The following MRPL42 variants were observed in gnomAD, a reference collection of about 807,000 sequenced individuals.
MRPL42 encodes mitochondrial ribosomal protein L42.
In MRPL42, 17 loss-of-function variants were observed where a neutral mutation model predicts 17.9. That is an observed-to-expected ratio of 0.95 (90% CI 0.65 to 1.42). The LOEUF (loss-of-function observed/expected upper bound fraction) is 1.42. Among genes scored for constraint, MRPL42 ranks in the 40% most tolerant of loss-of-function variants. MRPL42 has a pLI of 0.00. For missense variants in MRPL42, 177 were observed against 175.2 expected, an observed-to-expected ratio of 1.01 and a Z score of -0.06; for synonymous variants, 59 against 54.4, an observed-to-expected ratio of 1.08 and a Z score of -0.37.
In MRPL42 at chr12:93,479,444, C is replaced by G. The variant is rs775316745; in HGVS notation, c.191C>G (p.Ser64Cys). 65 of 1,610,454 alleles carry G rather than the reference C, an allele frequency of 4.0e-5. No individual in the cohort carries two copies. Among genetic ancestry groups the G allele is most frequent in the Non-Finnish European group, 5.4e-5 (64 of 1,178,082 alleles). Residue 64 changes from serine (S) to cysteine (C), a missense_variant, in exon 4 of 6, where the codon TCT becomes TGT. By Grantham distance (112) the Ser-to-Cys change is moderately radical. Coordinates refer to ENST00000549982, the MANE Select transcript of MRPL42 (RefSeq NM_014050.4). Reference sequence around the variant, plus strand: ...AGGACAATAGTATGCTACCACCCTTCTGTGGACATTCCATATGAACACACA... The same window carrying G: ...AGGACAATAGTATGCTACCACCCTTGTGTGGACATTCCATATGAACACACA... ...DGRTIVCYHP[S>C]VDIPYEHTKP...
In MRPL42 at chr12:93,501,187, G is replaced by A. The variant is rs1356211776; in HGVS notation, c.395G>A (p.Cys132Tyr). ...RWYPHGRYHR[C>Y]RKNLNPPKDR is the part of the protein sequence containing the mutation. Reference sequence around the variant, plus strand: ...TTCTTCTTTTCAAGGTATCACAGATGTCGTAAGAATCTGAATCCTCCAAAA... The same window carrying A: ...TTCTTCTTTTCAAGGTATCACAGATATCGTAAGAATCTGAATCCTCCAAAA... Residue 132 changes from cysteine to tyrosine, a missense_variant, in exon 6 of 6, where the codon TGT (cysteine) becomes TAT (tyrosine). Cys to Tyr is a radical substitution (Grantham distance 194). Transcript: ENST00000549982. 1.2e-6 allele frequency: 2 copies of A among 1,600,462 alleles called. No individual in the cohort carries two copies. The highest frequency in any genetic ancestry group is 1.7e-6 in the Non-Finnish European group (2 of 1,175,294).
Position 93,504,290 on chromosome 12 carries a change from C to CA in MRPL42, c.*3070dup, listed in dbSNP as rs777209167. On this transcript the variant is annotated 3_prime_UTR_variant, in exon 6 of 6. Transcript: ENST00000549982. ...TTAAGTAGTTGGGATTACAAGTGTGCACCACCATACTCAGGTAATTTTGCA... is the reference window on the plus strand; with the variant it reads ...TTAAGTAGTTGGGATTACAAGTGTGCAACCACCATACTCAGGTAATTTTGCA... 140 of 153,406 alleles carry CA rather than the reference C, an allele frequency of 9.1e-4. 4 individuals carry two copies. Among genetic ancestry groups the CA allele is most frequent in the Middle Eastern group, 1.5e-3 (2 of 1,366 alleles). 9.5% of individuals were successfully genotyped at this position (153,406 alleles called of 1,614,324 possible).
chr12:93,480,445 T>G (rs1880404074), intron 4 of MRPL42, among the ~76,000 whole-genome samples: 1 of 149,328 alleles, frequency 6.7e-6, no homozygotes, highest in African/African-American at 2.5e-5. Flanking sequence ...GAGGAGAAAA[T>G]TAGATGGTTT....
At chr12:93,467,883 G>T (rs755401748) in intron 1 of MRPL42, among the ~76,000 whole-genome samples, 1 of 152,172 alleles carries the variant, frequency 6.6e-6, no homozygotes, top group Non-Finnish European at 1.5e-5. Flanking sequence ...TTGTTTTGGG[G>T]TTGAATTCCG....
Position 93,504,129 on chromosome 12 carries a change from C to T in MRPL42, c.*2908C>T, listed in dbSNP as rs1953638254. 1 of 153,700 alleles carries T rather than the reference C, an allele frequency of 6.5e-6. No homozygotes were observed. Among genetic ancestry groups the T allele is most frequent in the Non-Finnish European group, 1.5e-5 (1 of 68,004 alleles). The allele number at this position is 153,700 out of a possible 1,614,324, so 9.5% of individuals were successfully genotyped here. On this transcript the variant is annotated 3_prime_UTR_variant, in exon 6 of 6. Coordinates refer to ENST00000549982, the MANE Select transcript of MRPL42 (RefSeq NM_014050.4). ...CCATGTTTATGTACATTTTTAAAGT[C>T]AGTGGTTTAAACTGTATACTTTTTG...
At position 93,484,977 on chromosome 12, in the gene MRPL42, CACATATATATATATATATATATATAT is replaced by C. The variant is rs1481887843; in HGVS notation, c.220-2518_220-2493del. On this transcript the variant is annotated intron_variant, in intron 4 of 5. Transcript: ENST00000549982. ...TTTTTAAAAAACACACACACACACA[CACATATATATATATATATATATATAT>C]ATATATATATATATATATATATATA... Among the ~76,000 whole-genome samples the C allele has an allele frequency of 1.2e-3, 33 of 28,604 alleles. 4 individuals are homozygous for C. The highest frequency in any genetic ancestry group is 2.7e-3 in the African/African-American group (29 of 10,658). The allele number at this position is 28,604 out of a possible 152,430, so 18.8% of individuals were successfully genotyped here. A position where few individuals can be genotyped will look rare whatever the true frequency, so the allele number is the denominator to read the frequency against.
intron 2 of MRPL42, among the ~76,000 whole-genome samples, chr12:93,476,520 AT>A (rs1880189074): frequency 6.6e-6 from 1 of 151,948 alleles, no homozygotes; most frequent in South Asian, 2.1e-4. Flanking sequence ...AAACACTTTT[AT>A]TTTTTTTCTT....
chr12:93,487,215 G>C (rs778572867), intron 4 of MRPL42, among the ~76,000 whole-genome samples: 2 of 152,086 alleles, frequency 1.3e-5, no homozygotes, highest in South Asian at 2.1e-4. Flanking sequence ...CTCCTGCCTT[G>C]GTTTCCCAAA....
intron 4 of MRPL42, among the ~76,000 whole-genome samples, chr12:93,482,381 A>G (rs1398334677): frequency 6.6e-6 from 1 of 152,142 alleles, no homozygotes; most frequent in East Asian, 1.9e-4. Context: ...GCTATCTCCC[A>G]TCACTAAAAT....
rs528130302 is a variant in MRPL42, at chr12:93,504,113, T to C, written c.*2892T>C. 215 of 154,208 alleles carry C rather than the reference T, an allele frequency of 1.4e-3. No individual in the cohort carries two copies. Among genetic ancestry groups the C allele is most frequent in the African/African-American group, 3.6e-3 (150 of 41,608 alleles). 9.6% of individuals were successfully genotyped at this position (154,208 alleles called of 1,614,324 possible). A position where few individuals can be genotyped will look rare whatever the true frequency, so the allele number is the denominator to read the frequency against. On this transcript the variant is annotated 3_prime_UTR_variant, in exon 6 of 6. Transcript: ENST00000549982. ...TCACCATGTCCGGCATCCATGTTTATGTACATTTTTAAAGTCAGTGGTTTA... is the reference window on the plus strand; with the variant it reads ...TCACCATGTCCGGCATCCATGTTTACGTACATTTTTAAAGTCAGTGGTTTA...
At chr12:93,497,034 C>T (rs1953519490) in intron 5 of MRPL42, among the ~76,000 whole-genome samples, 1 of 152,080 alleles carries the variant, frequency 6.6e-6, no homozygotes, top group Non-Finnish European at 1.5e-5. Context: ...GAAACTGAAA[C>T]CCTGAACAGA....
At chr12:93,480,934 C>CT (rs1162248858) in intron 4 of MRPL42, among the ~76,000 whole-genome samples, 1 of 152,146 alleles carries the variant, frequency 6.6e-6, no homozygotes, top group African/African-American at 2.4e-5. Context: ...TTCAGTGCCT[C>CT]TTTTTTATCA....
chr12:93,470,709 T>C (rs541714916), intron 2 of MRPL42: 57 of 343,280 alleles, frequency 1.7e-4, no homozygotes, highest in Admixed American at 9.8e-4. Flanking sequence ...AGTTAGAACA[T>C]GTAGTATTTG....
At chr12:93,476,891 A>T in intron 2 of MRPL42, 63 bp from the exon 3 acceptor site, 1 of 1,456,746 alleles carries the variant, frequency 6.9e-7, no homozygotes, top group Non-Finnish European at 9.6e-7. Flanking sequence ...AACTAGCTTT[A>T]AATTTATGGA....
intron 5 of MRPL42, among the ~76,000 whole-genome samples, chr12:93,497,479 A>C (rs949756627): frequency 1.3e-5 from 2 of 152,150 alleles, no homozygotes; most frequent in African/African-American, 4.8e-5. Context: ...AAAACAAAAA[A>C]CATATGATCA....
chr12:93,470,249 G>A (rs1472287777), intron 2 of MRPL42, among the ~76,000 whole-genome samples: 2 of 152,094 alleles, frequency 1.3e-5, no homozygotes, highest in Non-Finnish European at 2.9e-5. Context: ...GTTAATACAT[G>A]TTTGACAGTC....
chr12:93,514,287 CTTTCTTTCTTTTTTT>C lies in MRPL42; in HGVS notation c.*13070_*13084del, dbSNP rs1165401900. ...AGTTTTCTCCCTCTGCTTTTTCTTT[CTTTCTTTCTTTTTTT>C]TTTTTTTTTTTTTGAGATGGCGTCT... On this transcript the variant is annotated 3_prime_UTR_variant, in exon 6 of 6. Coordinates refer to ENST00000549982, the MANE Select transcript of MRPL42 (RefSeq NM_014050.4). The C allele has an allele frequency of 1.4e-5, 1 of 70,736 alleles. No homozygotes were observed. Among genetic ancestry groups the C allele is most frequent in the African/African-American group, 5.4e-5 (1 of 18,526 alleles). 4.4% of individuals were successfully genotyped at this position (70,736 alleles called of 1,614,324 possible).
Position 93,511,317 on chromosome 12 carries a change from A to G in MRPL42, c.*10096A>G, listed in dbSNP as rs1953723606. ...TTTGAAAGAAAAACCTAAGTAATTAAAAAACTGAAAGCACAGATATTCATT... is the reference window on the plus strand; with the variant it reads ...TTTGAAAGAAAAACCTAAGTAATTAGAAAACTGAAAGCACAGATATTCATT... On this transcript the variant is annotated 3_prime_UTR_variant, in exon 6 of 6. Transcript: ENST00000549982. 6.6e-6 allele frequency: 1 copy of G among 152,246 alleles called. No individual in the cohort carries two copies. The highest frequency in any genetic ancestry group is 6.5e-5 in the Admixed American group (1 of 15,280). 9.4% of individuals were successfully genotyped at this position (152,246 alleles called of 1,614,324 possible).
At chr12:93,490,863 A>C (rs1953399080) in intron 5 of MRPL42, among the ~76,000 whole-genome samples, 1 of 152,188 alleles carries the variant, frequency 6.6e-6, no homozygotes, top group African/African-American at 2.4e-5. Context: ...TTTTTATTAA[A>C]AGGTATAAAA....
Sources: gnomAD v4.1 joint callset for allele counts (sites outside exome capture counted in the v4.1 genomes callset) on GRCh38, gnomAD v4.1.1 for gene constraint, MANE v1.5 for transcripts, NCBI Gene and HGNC (gene_info 2026-07-23, HGNC 2026-07-21) for gene names.